SYNPO2: variants seen among roughly 807,000 people sequenced by gnomAD.
SYNPO2 encodes synaptopodin 2.
SYNPO2 carries 56 observed loss-of-function variants against 85.0 expected under a neutral mutation model. That is an observed-to-expected ratio of 0.66 (90% CI 0.53 to 0.82). The LOEUF is 0.82. Among genes scored for constraint, SYNPO2 ranks in the 40% least tolerant of loss-of-function variants. The probability of loss-of-function intolerance (pLI) is 0.00; values close to 1 mark genes in which losing one functional copy is unlikely to be tolerated. For synonymous variants in SYNPO2, 602 were observed against 591.1 expected (o/e 1.02, Z -0.27); for missense variants, 1,575 against 1,534.2 (o/e 1.03, Z -0.44).
At chr4:118,916,633 A>C (rs1289040213) in intron 1 of SYNPO2, among the ~76,000 whole-genome samples, 1 of 151,796 alleles carries the variant, frequency 6.6e-6, no homozygotes, top group Admixed American at 6.6e-5. Flanking sequence ...ATATTTTTAT[A>C]ATAAACTTTT....
At chr4:118,959,181 G>A (rs1218023292) in intron 1 of SYNPO2, among the ~76,000 whole-genome samples, 4 of 152,082 alleles carry the variant, frequency 2.6e-5, no homozygotes, top group African/African-American at 7.2e-5. Context: ...ATATATTCCC[G>A]ATTACCATAT....
At chr4:119,008,829 AT>A (rs1285774722) in intron 1 of SYNPO2, among the ~76,000 whole-genome samples, 11 of 152,074 alleles carry the variant, frequency 7.2e-5, no homozygotes, top group Non-Finnish European at 1.5e-4. Flanking sequence ...TAATTGCTCC[AT>A]TTCCTTCAAA....
chr4:119,045,099 A>C (rs961864087), intron 4 of SYNPO2, among the ~76,000 whole-genome samples: 1 of 152,234 alleles, frequency 6.6e-6, no homozygotes, highest in African/African-American at 2.4e-5. Flanking sequence ...ATAACTGATA[A>C]GATTTTTCTC....
chr4:119,034,008 A>G, intron 4 of SYNPO2: 1 of 985,440 alleles, frequency 1.0e-6, no homozygotes, highest in Non-Finnish European at 1.2e-6. Context: ...GGTTACAACC[A>G]CAGGATGTAG....
chr4:118,912,655 A>G (rs530744266), intron 1 of SYNPO2, among the ~76,000 whole-genome samples: 7 of 152,296 alleles, frequency 4.6e-5, no homozygotes, highest in Admixed American at 2.0e-4. Context: ...TTATCCTTCC[A>G]ATGGAACTTA....
intron 1 of SYNPO2, among the ~76,000 whole-genome samples, chr4:118,968,754 A>G (rs1036384939): frequency 6.6e-6 from 1 of 152,178 alleles, no homozygotes; most frequent in African/African-American, 2.4e-5. Context: ...AATTTTTAAA[A>G]TTTCAAATGA....
chr4:118,879,461 C>T (rs769785475), intron 1 of SYNPO2, among the ~76,000 whole-genome samples: 34 of 152,190 alleles, frequency 2.2e-4, no homozygotes, highest in South Asian at 6.2e-4. Flanking sequence ...GGATTAGTGC[C>T]CCTGTAAGAC....
intron 1 of SYNPO2, among the ~76,000 whole-genome samples, chr4:118,945,205 CTT>C (rs1160832405): frequency 4.6e-5 from 7 of 152,302 alleles, no homozygotes; most frequent in South Asian, 2.1e-4. Flanking sequence ...GTCTTTTTAA[CTT>C]ATTTCCTATC....
chr4:119,016,591 A>C (rs1737536218), intron 1 of SYNPO2, among the ~76,000 whole-genome samples: 1 of 152,186 alleles, frequency 6.6e-6, no homozygotes, highest in Admixed American at 6.5e-5. Context: ...ACAAATGTTT[A>C]TAAAAATAAT....
chr4:119,047,555 G>T (rs1489726197), intron 4 of SYNPO2, among the ~76,000 whole-genome samples: 1 of 134,560 alleles, frequency 7.4e-6, no homozygotes, highest in Non-Finnish European at 1.6e-5. Flanking sequence ...AGTTAGTGGA[G>T]GTAAACTTAA....
intron 1 of SYNPO2, among the ~76,000 whole-genome samples, chr4:118,982,883 C>G (rs146569678): frequency 6.6e-6 from 1 of 152,194 alleles, no homozygotes; most frequent in Admixed American, 6.5e-5. Flanking sequence ...TAATGTTAAG[C>G]ACAGTTCTTT....
At chr4:119,007,745 T>C (rs984374152) in intron 1 of SYNPO2, among the ~76,000 whole-genome samples, 3 of 152,156 alleles carry the variant, frequency 2.0e-5, no homozygotes, top group Non-Finnish European at 2.9e-5. Context: ...CCTATTTTAA[T>C]ATGGATTTTA....
chr4:119,036,243 G>C (rs1738505100), intron 4 of SYNPO2: 1 of 985,318 alleles, frequency 1.0e-6, no homozygotes, highest in Admixed American at 6.2e-5. Context: ...CTAGAGGGAA[G>C]TCGTGGGGCG....
chr4:118,879,049 C>G (rs1021314370), intron 1 of SYNPO2, among the ~76,000 whole-genome samples: 8 of 152,114 alleles, frequency 5.3e-5, no homozygotes, highest in African/African-American at 1.9e-4. Flanking sequence ...CCGGAGGCAC[C>G]ACCTTTAAGA....
rs1739325589 is a variant in SYNPO2, at chr4:119,059,224, G to A, written c.*1290G>A. 2 of 152,168 alleles carry A rather than the reference G, an allele frequency of 1.3e-5. No individual in the cohort carries two copies. The highest frequency in any genetic ancestry group is 6.5e-5 in the Admixed American group (1 of 15,272). 9.4% of individuals were successfully genotyped at this position (152,168 alleles called of 1,614,324 possible). A position where few individuals can be genotyped will look rare whatever the true frequency, so the allele number is the denominator to read the frequency against. On this transcript the variant is annotated 3_prime_UTR_variant, in exon 5 of 5. Coordinates refer to ENST00000307142, the MANE Select transcript of SYNPO2 (RefSeq NM_133477.3). ...TGTGTTACGTGTTACATGGAGTGAG[G>A]GTAGATGTGAAGATTTAAAACGATT...
intron 1 of SYNPO2, among the ~76,000 whole-genome samples, chr4:118,970,910 A>C (rs935324516): frequency 1.3e-5 from 2 of 152,230 alleles, no homozygotes; most frequent in Non-Finnish European, 2.9e-5. Context: ...TTTCTCAGAG[A>C]AATGTCAACA....
intron 1 of SYNPO2, among the ~76,000 whole-genome samples, chr4:118,994,057 GGT>G (rs1736502573): frequency 6.6e-6 from 1 of 152,098 alleles, no homozygotes; most frequent in Admixed American, 6.5e-5. Context: ...GGGGCCTCTG[GGT>G]CAGTCACTAC....
At chr4:118,906,206 T>A (rs1179547646) in intron 1 of SYNPO2, among the ~76,000 whole-genome samples, 7 of 152,166 alleles carry the variant, frequency 4.6e-5, no homozygotes, top group Non-Finnish European at 1.0e-4. Flanking sequence ...TTGCTGAGGT[T>A]TTGCTTTTTT....
intron 4 of SYNPO2, among the ~76,000 whole-genome samples, chr4:119,039,948 C>T (rs958020273): frequency 2.0e-5 from 3 of 152,064 alleles, no homozygotes; most frequent in Non-Finnish European, 2.9e-5. Context: ...GCTCTAGGGC[C>T]GCGCTGCCTG....
Sources: allele counts gnomAD v4.1 joint callset (sites outside exome capture counted in the v4.1 genomes callset), GRCh38; gene constraint gnomAD v4.1.1; transcripts MANE v1.5; gene names NCBI Gene and HGNC (gene_info 2026-07-23, HGNC 2026-07-21).